The following F11R variants were observed in gnomAD, a reference collection of about 807,000 sequenced individuals.
The protein encoded by F11R is junctional adhesion molecule A.
Under a neutral mutation model 39.3 loss-of-function variants are expected in F11R, and 27 were observed. The ratio of observed to expected loss-of-function variants is 0.69; its 90% CI spans 0.51 to 0.95. The LOEUF (loss-of-function observed/expected upper bound fraction) is 0.95, where lower values mean the gene tolerates loss of function less well. F11R is among the 40% of genes least tolerant of loss of function. The probability of loss-of-function intolerance (pLI) is 0.00; values close to 1 mark genes in which losing one functional copy is unlikely to be tolerated. For synonymous variants in F11R, 131 were observed against 144.9 expected (o/e 0.90, Z 0.69); for missense variants, 335 against 372.7 (o/e 0.90, Z 0.83).
intron 3 of F11R, 50 bp from the exon 4 acceptor site, chr1:161,000,827 G>C (rs1281850627): frequency 6.2e-7 from 1 of 1,610,190 alleles, no homozygotes; most frequent in Admixed American, 1.7e-5. Flanking sequence ...GGAGAGCTAA[G>C]GGAGGCTGAT....
chr1:161,010,212 G>A (rs552935149), intron 1 of F11R, among the ~76,000 whole-genome samples: 8 of 151,928 alleles, frequency 5.3e-5, no homozygotes, highest in African/African-American at 1.2e-4. Context: ...TTGAGAGTCC[G>A]AAGCAAGCGG....
chr1:161,006,815 CACAT>C (rs1433528596), intron 1 of F11R, among the ~76,000 whole-genome samples: 1 of 152,188 alleles, frequency 6.6e-6, no homozygotes, highest in Non-Finnish European at 1.5e-5. Flanking sequence ...CATCCTGGTC[CACAT>C]TCCCCTTCTC....
chr1:161,018,806 T>C (rs1649595519), intron 1 of F11R, among the ~76,000 whole-genome samples: 1 of 152,154 alleles, frequency 6.6e-6, no homozygotes, highest in South Asian at 2.1e-4. Context: ...CTCCATCCCC[T>C]GGACAAGTCA....
chr1:161,015,407 A>ATAT (rs1553211260), intron 1 of F11R, among the ~76,000 whole-genome samples: 1,882 of 136,148 alleles, frequency 0.014, 33 homozygotes, highest in South Asian at 0.063. Flanking sequence ...CAAAAAAAAA[A>ATAT]ATATATATAT....
In F11R at chr1:161,015,427, T is replaced by C. The variant is rs866607591; in HGVS notation, c.64+5583A>G. The stretch of plus-strand genomic sequence containing the variant: ...AAAAAAATATATATATATATATATA[T>C]ACACACACACAAAAATTAGCCAAGA... On this transcript the variant is annotated intron_variant, in intron 1 of 9. Coordinates refer to ENST00000368026, the MANE Select transcript of F11R (RefSeq NM_016946.6). Among the ~76,000 whole-genome samples the C allele has an allele frequency of 1.5e-3, 213 of 138,406 alleles. 1 individual carries two copies. The highest frequency in any genetic ancestry group is 4.2e-3 in the African/African-American group (157 of 37,252). 90.8% of individuals were successfully genotyped at this position (138,406 alleles called of 152,430 possible). A position where few individuals can be genotyped will look rare whatever the true frequency, so the allele number is the denominator to read the frequency against.
At chr1:161,020,331 TCAA>T (rs1473248564) in intron 1 of F11R, among the ~76,000 whole-genome samples, 1 of 152,106 alleles carries the variant, frequency 6.6e-6, no homozygotes, top group East Asian at 1.9e-4. Flanking sequence ...AGTCACTCAA[TCAA>T]CAACACGTAT....
At chr1:161,013,264 G>A (rs1274940693) in intron 1 of F11R, among the ~76,000 whole-genome samples, 1 of 152,160 alleles carries the variant, frequency 6.6e-6, no homozygotes, top group South Asian at 2.1e-4. Context: ...AGACCCCCCA[G>A]TTGCCAGGGA....
At chr1:161,012,911 C>T (rs1649253087) in intron 1 of F11R, among the ~76,000 whole-genome samples, 1 of 152,182 alleles carries the variant, frequency 6.6e-6, no homozygotes, top group Non-Finnish European at 1.5e-5. Flanking sequence ...AGGCGTAAGC[C>T]ACTGCACCCG....
At chr1:160,998,943 C>T (rs779119815) in intron 9 of F11R, 37 bp from the exon 10 acceptor site, 4 of 1,613,948 alleles carry the variant, frequency 2.5e-6, no homozygotes, top group South Asian at 2.2e-5. Flanking sequence ...TCTCAATAGT[C>T]TTCTTTAGCT....
At chr1:160,999,561 G>T in intron 7 of F11R, 79 bp downstream of exon 7, 3 of 1,495,630 alleles carry the variant, frequency 2.0e-6, no homozygotes, top group Non-Finnish European at 1.9e-6. Context: ...CAGTATCAGG[G>T]TCAGTACTCA....
At chr1:161,015,813 C>T (rs1418592618) in intron 1 of F11R, among the ~76,000 whole-genome samples, 2 of 151,804 alleles carry the variant, frequency 1.3e-5, no homozygotes, top group Admixed American at 1.3e-4. Context: ...TAAAATGAAA[C>T]ACTGAAGAGA....
chr1:161,002,705 G>T (rs1370059586), intron 1 of F11R: 1 of 152,074 alleles, frequency 6.6e-6, no homozygotes, highest in Non-Finnish European at 1.5e-5. Flanking sequence ...ACTGAATATG[G>T]TCTCTTGACC....
At chr1:161,016,408 G>A (rs1480928256) in intron 1 of F11R, among the ~76,000 whole-genome samples, 3 of 152,028 alleles carry the variant, frequency 2.0e-5, no homozygotes, top group African/African-American at 2.4e-5. Context: ...CCCGGGAGGT[G>A]GAGTTTGCAG....
intron 1 of F11R, among the ~76,000 whole-genome samples, chr1:161,006,135 C>G (rs1648792171): frequency 6.7e-6 from 1 of 149,318 alleles, no homozygotes; most frequent in Non-Finnish European, 1.5e-5. Flanking sequence ...GAGACTCCAT[C>G]TCAAAAAAAA....
At chr1:161,004,546 CAA>C (rs879627643) in intron 1 of F11R, among the ~76,000 whole-genome samples, 2 of 137,018 alleles carry the variant, frequency 1.5e-5, no homozygotes, top group African/African-American at 2.8e-5. Context: ...GACTCCGTCT[CAA>C]AAAAAAAAAA....
rs367774908 is a variant in F11R, at chr1:161,017,066, C to A, written c.64+3944G>T. ...GCTTTGTTAAACAAATGCTTGAAGGCAGCATGCTCCTTAAGAGTCATCACC... is the reference window on the plus strand; with the variant it reads ...GCTTTGTTAAACAAATGCTTGAAGGAAGCATGCTCCTTAAGAGTCATCACC... On this transcript the variant is annotated intron_variant, in intron 1 of 9. Transcript: ENST00000368026. Among the ~76,000 whole-genome samples the A allele has an allele frequency of 1.1e-3, 171 of 152,270 alleles. 2 individuals are homozygous for A. In the South Asian group the frequency reaches 0.025, roughly 22 times the overall value.
intron 1 of F11R, among the ~76,000 whole-genome samples, chr1:161,002,261 C>CAAAAAAAA (rs34007325): frequency 7.3e-5 from 5 of 68,654 alleles, no homozygotes; most frequent in Non-Finnish European, 8.3e-5. Context: ...GACTCAATCT[C>CAAAAAAAA]AAAAAAAAAA....
At chr1:161,011,880 T>G (rs1258483373) in intron 1 of F11R, among the ~76,000 whole-genome samples, 1 of 152,168 alleles carries the variant, frequency 6.6e-6, no homozygotes, top group African/African-American at 2.4e-5. Context: ...CTTTGCATTT[T>G]CCTATTTTTC....
chr1:161,007,558 G>A (rs1000740506), intron 1 of F11R, among the ~76,000 whole-genome samples: 5 of 152,068 alleles, frequency 3.3e-5, no homozygotes, highest in South Asian at 2.1e-4. Flanking sequence ...CTGAGTTTAC[G>A]CATCTGTAAA....
Sources: allele counts gnomAD v4.1 joint callset (sites outside exome capture counted in the v4.1 genomes callset), GRCh38; gene constraint gnomAD v4.1.1; transcripts MANE v1.5; gene names NCBI Gene and HGNC (gene_info 2026-07-23, HGNC 2026-07-21).